Variants in ANXA5 observed in about 807,000 individuals in gnomAD.
The protein encoded by ANXA5 is CBP-I.
Under a neutral mutation model 48.1 loss-of-function variants are expected in ANXA5, and 40 were observed. The observed-to-expected ratio is 0.83, with a 90% CI of 0.65 to 1.08. ANXA5 has a LOEUF of 1.08. Ranked by LOEUF, ANXA5 falls within the 50% of genes least tolerant of loss-of-function variation. The pLI, the probability that ANXA5 is intolerant of heterozygous loss-of-function variation, is 0.00. For missense variants in ANXA5, 357 were observed against 376.8 expected (o/e 0.95, Z 0.44); for synonymous variants, 113 against 129.1 (o/e 0.88, Z 0.85).
intron 6 of ANXA5, among the ~76,000 whole-genome samples, chr4:121,679,130 G>T (rs1245267690): frequency 6.6e-6 from 1 of 152,114 alleles, no homozygotes; most frequent in African/African-American, 2.4e-5. Context: ...TTACTCTAAG[G>T]TATTTAAATA....
At chr4:121,690,578 G>GA (rs200347880) in intron 2 of ANXA5, among the ~76,000 whole-genome samples, 236 of 149,750 alleles carry the variant, frequency 1.6e-3, no homozygotes, top group African/African-American at 5.2e-3. Flanking sequence ...ACAGTTAAGA[G>GA]AAAAAAAAAG....
intron 1 of ANXA5, 103 bp from the exon 2 acceptor site, chr4:121,696,727 G>C: frequency 1.4e-6 from 1 of 740,454 alleles, no homozygotes; most frequent in Non-Finnish European, 1.9e-6. Flanking sequence ...CAGCCCGGAG[G>C]GCCCCGCCAC....
At chr4:121,696,660 A>G in intron 1 of ANXA5, 36 bp from the exon 2 acceptor site, 5 of 1,296,724 alleles carry the variant, frequency 3.9e-6, no homozygotes, top group Non-Finnish European at 5.0e-6. Context: ...TTAGCGCGCC[A>G]TTTGCAACTC....
chr4:121,669,170 A>G (rs1189859693), intron 12 of ANXA5: 1 of 158,162 alleles, frequency 6.3e-6, no homozygotes, highest in Non-Finnish European at 1.4e-5. Flanking sequence ...TACTCCCAAT[A>G]TGACCTGGTT....
intron 4 of ANXA5, among the ~76,000 whole-genome samples, chr4:121,684,274 A>G (rs567424170): frequency 1.3e-5 from 2 of 152,354 alleles, no homozygotes; most frequent in Non-Finnish European, 2.9e-5. Context: ...TCAACTAATT[A>G]AAAACCCATT....
intron 10 of ANXA5, 64 bp downstream of exon 10, chr4:121,671,483 C>T: frequency 1.6e-6 from 2 of 1,214,780 alleles, no homozygotes; most frequent in South Asian, 1.2e-5. Context: ...CAGATGCAGC[C>T]TCAATTGAAT....
intron 8 of ANXA5, among the ~76,000 whole-genome samples, chr4:121,677,058 C>T (rs1371838307): frequency 6.6e-6 from 1 of 152,166 alleles, no homozygotes; most frequent in Non-Finnish European, 1.5e-5. Flanking sequence ...ATTATAAAAT[C>T]AACCTACCCA....
intron 8 of ANXA5, among the ~76,000 whole-genome samples, chr4:121,674,103 C>T (rs1360097911): frequency 2.0e-5 from 3 of 149,150 alleles, no homozygotes; most frequent in Non-Finnish European, 4.4e-5. Context: ...ATTGTTTGAA[C>T]CCAGGAGGCA....
At chr4:121,693,748 A>C (rs947504628) in intron 2 of ANXA5, among the ~76,000 whole-genome samples, 1 of 152,220 alleles carries the variant, frequency 6.6e-6, no homozygotes, top group Non-Finnish European at 1.5e-5. Flanking sequence ...AAGAGAAATC[A>C]CCAGGAGCAG....
Position 121,684,722 on chromosome 4 carries a change from A to G in ANXA5, c.144T>C (p.Ala48=). 5 of 1,614,044 alleles carry G rather than the reference A, an allele frequency of 3.1e-6. No individual in the cohort carries two copies. Among genetic ancestry groups the G allele is most frequent in the Non-Finnish European group, 4.2e-6 (5 of 1,179,960 alleles). The change falls in exon 4 of 13, where the codon GCT becomes GCC. Residue 48 remains alanine (A), a synonymous_variant. Coordinates refer to ENST00000296511, the MANE Select transcript of ANXA5 (RefSeq NM_001154.4). Reference sequence around the variant, plus strand: ...AAGCTGCAGAGATTTCCTGGCGCTGAGCATTACTTCGGGATGTCAACAGAG... The same window carrying G: ...AAGCTGCAGAGATTTCCTGGCGCTGGGCATTACTTCGGGATGTCAACAGAG... ...ILTLLTSRSN[A]QRQEISAAFK...
At chr4:121,691,331 AAAATG>A (rs2110491452) in intron 2 of ANXA5, among the ~76,000 whole-genome samples, 1 of 152,314 alleles carries the variant, frequency 6.6e-6, no homozygotes, top group East Asian at 1.9e-4. Context: ...TGCCAAAAAA[AAAATG>A]AATAAGACCA....
chr4:121,671,271 G>C (rs1724608092), intron 10 of ANXA5, among the ~76,000 whole-genome samples: 1 of 152,044 alleles, frequency 6.6e-6, no homozygotes, highest in Non-Finnish European at 1.5e-5. Flanking sequence ...CGACATTTCA[G>C]GTTTATCAAT....
In ANXA5 at chr4:121,669,940, T is replaced by C. The variant is rs751655674; in HGVS notation, c.780+14A>G. On this transcript the variant is annotated intron_variant, in intron 11 of 12. Coordinates refer to ENST00000296511, the MANE Select transcript of ANXA5 (RefSeq NM_001154.4). The stretch of plus-strand genomic sequence containing the variant: ...AGAAATGTATTAGATAGAAGGTTCA[T>C]GGTCTCCACTTACCTTCATAGCATA... 5 of 1,577,004 alleles carry C rather than the reference T, an allele frequency of 3.2e-6. No homozygotes were observed. The highest frequency in any genetic ancestry group is 1.4e-5 in the African/African-American group (1 of 73,278).
intron 3 of ANXA5, among the ~76,000 whole-genome samples, chr4:121,685,810 T>C (rs11724110): frequency 0.013 from 2,045 of 152,260 alleles, 22 homozygotes; most frequent in Middle Eastern, 0.02. Flanking sequence ...ATGGCTGCCT[T>C]ATCGACTCGG....
At chr4:121,695,720 T>A (rs1032147127) in intron 2 of ANXA5, among the ~76,000 whole-genome samples, 3 of 151,894 alleles carry the variant, frequency 2.0e-5, no homozygotes, top group African/African-American at 7.3e-5. Flanking sequence ...CTGGCCAACA[T>A]GGTGAAACCC....
intron 8 of ANXA5, among the ~76,000 whole-genome samples, chr4:121,677,425 C>A (rs1724717228): frequency 6.6e-6 from 1 of 152,128 alleles, no homozygotes; most frequent in South Asian, 2.1e-4. Flanking sequence ...GACAGAAGAC[C>A]AATCCTACTT....
At position 121,669,728 on chromosome 4, in the gene ANXA5, T is replaced by TTAA. The variant is rs1553963483; in HGVS notation, c.781-5_781-4insTTA. 4.7e-6 allele frequency: 7 copies of TTAA among 1,503,402 alleles called. No individual in the cohort carries two copies. Among genetic ancestry groups the TTAA allele is most frequent in the Non-Finnish European group, 6.2e-6 (7 of 1,124,674 alleles). The allele number at this position is 1,503,402 out of a possible 1,614,324, so 93.1% of individuals were successfully genotyped here. On this transcript the variant is annotated splice_region_variant and splice_polypyrimidine_tract_variant and intron_variant, in intron 11 of 12. Coordinates refer to ENST00000296511, the MANE Select transcript of ANXA5 (RefSeq NM_001154.4). ...TATGATCATCTGTCCCAGCTCCCTT[T>TTAA]AAAAAAAAAAAAAAAGAGAGAAGCA...
intron 5 of ANXA5, among the ~76,000 whole-genome samples, chr4:121,682,860 T>G (rs1380312634): frequency 2.0e-5 from 3 of 152,176 alleles, no homozygotes; most frequent in African/African-American, 7.2e-5. Context: ...ATTTAATTTT[T>G]GCTGCAACTG....
chr4:121,691,542 C>A (rs1323956643), intron 2 of ANXA5, among the ~76,000 whole-genome samples: 1 of 51,520 alleles, frequency 1.9e-5, no homozygotes, highest in Non-Finnish European at 5.6e-5. Flanking sequence ...ACCGCACCCT[C>A]CCCCCACCTC....
Sources: gnomAD v4.1 joint callset for allele counts (sites outside exome capture counted in the v4.1 genomes callset) on GRCh38, gnomAD v4.1.1 for gene constraint, MANE v1.5 for transcripts, NCBI Gene and HGNC (gene_info 2026-07-23, HGNC 2026-07-21) for gene names.